CNTNAP2: variants seen among roughly 807,000 people sequenced by gnomAD.
CNTNAP2 encodes the protein contactin associated protein 2.
A neutral mutation model predicts 155.2 loss-of-function variants in CNTNAP2; 98 were observed. The ratio of observed to expected loss-of-function variants is 0.63; its 90% confidence interval spans 0.54 to 0.75. The LOEUF is 0.75. CNTNAP2 is among the 30% of genes least tolerant of loss of function. CNTNAP2 has a pLI of 0.00. For missense variants in CNTNAP2, 1,727 were observed against 1,688.1 expected (o/e 1.02, Z -0.40); for synonymous variants, 651 against 631.2 (o/e 1.03, Z -0.47).
At chr7:146,348,211 G>A (rs1794846402) in intron 1 of CNTNAP2, among the ~76,000 whole-genome samples, 1 of 152,096 alleles carries the variant, frequency 6.6e-6, no homozygotes, top group Non-Finnish European at 1.5e-5. Context: ...CTGAAGTCAG[G>A]AGTTCAAGAT....
chr7:148,233,332 G>A (rs146666160), intron 20 of CNTNAP2, among the ~76,000 whole-genome samples: 3 of 151,986 alleles, frequency 2.0e-5, no homozygotes, highest in African/African-American at 4.8e-5. Context: ...ATCTAAGGGG[G>A]TTTACAGGGA....
chr7:146,634,025 T>C (rs1799556895), intron 1 of CNTNAP2, among the ~76,000 whole-genome samples: 1 of 152,060 alleles, frequency 6.6e-6, no homozygotes, highest in Non-Finnish European at 1.5e-5. Context: ...TGAGCCCTGC[T>C]AGCTACCCTG....
intron 1 of CNTNAP2, among the ~76,000 whole-genome samples, chr7:146,567,475 T>C (rs6959655): frequency 0.75 from 113,898 of 152,016 alleles, 43,296 homozygotes; most frequent in South Asian, 0.88. Flanking sequence ...TATTAGATTA[T>C]AGTTTACCTA....
chr7:147,695,940 C>T (rs1349596153), intron 13 of CNTNAP2, among the ~76,000 whole-genome samples: 3 of 152,164 alleles, frequency 2.0e-5, no homozygotes, highest in Admixed American at 6.5e-5. Flanking sequence ...GCTCCACTTT[C>T]CTGACAAATT....
intron 3 of CNTNAP2, among the ~76,000 whole-genome samples, chr7:146,868,532 C>CT (rs1194270475): frequency 6.6e-6 from 1 of 152,012 alleles, no homozygotes; most frequent in Admixed American, 6.6e-5. Flanking sequence ...TTTTAAAATA[C>CT]TTTTTTCTGG....
chr7:146,904,773 G>T (rs1275745177), intron 3 of CNTNAP2, among the ~76,000 whole-genome samples: 1 of 152,160 alleles, frequency 6.6e-6, no homozygotes. Context: ...GTCCGGCCGA[G>T]AATTCATCTT....
chr7:147,113,012 G>T (rs567037554), intron 5 of CNTNAP2, among the ~76,000 whole-genome samples: 1 of 152,010 alleles, frequency 6.6e-6, no homozygotes, highest in Non-Finnish European at 1.5e-5. Flanking sequence ...AGTCTGTCTC[G>T]TCCTGGGCTT....
chr7:147,443,524 C>A (rs1031228301), intron 10 of CNTNAP2, among the ~76,000 whole-genome samples: 7 of 152,038 alleles, frequency 4.6e-5, no homozygotes, highest in Admixed American at 4.6e-4. Context: ...TGCGAGTGTT[C>A]ATTTGGTTTT....
At chr7:146,220,298 A>C (rs1178417984) in intron 1 of CNTNAP2, among the ~76,000 whole-genome samples, 1 of 152,156 alleles carries the variant, frequency 6.6e-6, no homozygotes, top group Non-Finnish European at 1.5e-5. Context: ...TAAAAAAAAA[A>C]ATCACTAGTT....
chr7:146,195,116 G>C (rs919830715), intron 1 of CNTNAP2: 1 of 152,152 alleles, frequency 6.6e-6, no homozygotes, highest in Admixed American at 6.5e-5. Flanking sequence ...AACAGATGCT[G>C]CAAGTATTAC....
intron 13 of CNTNAP2, among the ~76,000 whole-genome samples, chr7:147,776,624 A>G (rs1037197519): frequency 6.6e-6 from 1 of 152,192 alleles, no homozygotes; most frequent in Non-Finnish European, 1.5e-5. Context: ...TTCAAGGATG[A>G]TATTTCAAAT....
intron 1 of CNTNAP2, among the ~76,000 whole-genome samples, chr7:146,631,664 T>C (rs17589065): frequency 0.039 from 5,878 of 152,262 alleles, 154 homozygotes; most frequent in Non-Finnish European, 0.049. Flanking sequence ...TCTGAAAAGA[T>C]CAAATTTTAT....
rs553730949 is a variant in CNTNAP2 at position 147,214,966 on chromosome 7, A to G, written c.1348+82457A>G. ...AAGGCAGCAGGAGACAGAGAGAGCG[A>G]GCAAAGAAGGAAACCACCAGACACT... On this transcript the variant is annotated intron_variant, in intron 8 of 23. Transcript: ENST00000361727. Among the ~76,000 whole-genome samples the G allele has an allele frequency of 3.3e-5, 5 of 152,228 alleles. No homozygotes were observed. In the East Asian group the frequency reaches 9.7e-4, roughly 29 times the overall value.
intron 1 of CNTNAP2, among the ~76,000 whole-genome samples, chr7:146,663,938 C>G (rs1176064986): frequency 6.6e-6 from 1 of 152,036 alleles, no homozygotes; most frequent in Non-Finnish European, 1.5e-5. Context: ...TCCCTGCTTT[C>G]TTCCCAGTCT....
At chr7:146,935,500 G>A (rs764508401) in intron 3 of CNTNAP2, among the ~76,000 whole-genome samples, 2 of 152,166 alleles carry the variant, frequency 1.3e-5, no homozygotes, top group Non-Finnish European at 2.9e-5. Context: ...TTGCCAGGAG[G>A]CCTTCACTCT....
intron 18 of CNTNAP2, among the ~76,000 whole-genome samples, chr7:148,204,731 C>A (rs1292882510): frequency 6.6e-6 from 1 of 152,162 alleles, no homozygotes; most frequent in Non-Finnish European, 1.5e-5. Flanking sequence ...AGCTAATAAG[C>A]AAATCGCTTT....
chr7:147,511,929 A>T (rs2116690932), intron 11 of CNTNAP2, among the ~76,000 whole-genome samples: 1 of 152,336 alleles, frequency 6.6e-6, no homozygotes, highest in Non-Finnish European at 1.5e-5. Context: ...AAACCTAGAT[A>T]AAAGCTGTTT....
At chr7:147,622,186 A>T (rs1038331184) in intron 12 of CNTNAP2, among the ~76,000 whole-genome samples, 7 of 151,992 alleles carry the variant, frequency 4.6e-5, no homozygotes, top group African/African-American at 1.4e-4. Context: ...TACAATAATA[A>T]CTAGAGAATT....
rs75659320 is a variant in CNTNAP2 at position 146,805,486 on chromosome 7, C to T, written c.208+31105C>T. 5.7e-4 allele frequency among the ~76,000 whole-genome samples: 86 copies of T among 152,190 alleles called. 1 individual carries two copies. The East Asian group carries it at 0.016, about 28-fold the overall frequency. The stretch of plus-strand genomic sequence containing the variant: ...TATGTAGAGAGCAGGGATGAGGAAC[C>T]ACTAGCCTGGGAGCAGGATCCAATT... On this transcript the variant is annotated intron_variant, in intron 2 of 23. Coordinates refer to ENST00000361727, the MANE Select transcript of CNTNAP2 (RefSeq NM_014141.6).
Sources: allele counts gnomAD v4.1 joint callset (sites outside exome capture counted in the v4.1 genomes callset), GRCh38; gene constraint gnomAD v4.1.1; transcripts MANE v1.5; gene names NCBI Gene and HGNC (gene_info 2026-07-23, HGNC 2026-07-21).